CAMK2G: variants seen among roughly 807,000 people sequenced by gnomAD.
CAMK2G encodes calcium/calmodulin-dependent protein kinase type II subunit gamma.
Under a neutral mutation model 88.7 loss-of-function variants are expected in CAMK2G, and 23 were observed. The ratio of observed to expected loss-of-function variants is 0.26; its 90% CI spans 0.19 to 0.37. The LOEUF is 0.37. CAMK2G is among the 10% of genes least tolerant of loss of function. The pLI, the probability that CAMK2G is intolerant of heterozygous loss-of-function variation, is 1.00. For missense variants in CAMK2G, 476 were observed against 780.8 expected, an observed-to-expected ratio of 0.61 and a Z score of 4.65; for synonymous variants, 263 against 294.8, an observed-to-expected ratio of 0.89 and a Z score of 1.11.
At chr10:73,854,830 C>A (rs572082061) in intron 3 of CAMK2G, among the ~76,000 whole-genome samples, 2 of 152,174 alleles carry the variant, frequency 1.3e-5, no homozygotes, top group South Asian at 4.1e-4. Context: ...GACTCCGAAG[C>A]CTGCCAGGGC....
At chr10:73,825,155 T>G (rs1317855319) in intron 16 of CAMK2G, 124 bp downstream of exon 16, 1 of 751,290 alleles carries the variant, frequency 1.3e-6, no homozygotes, top group Non-Finnish European at 2.4e-6. Flanking sequence ...CACAAAGCAG[T>G]CAGTTCTATG....
At chr10:73,843,958 G>A (rs1442406718) in intron 10 of CAMK2G, among the ~76,000 whole-genome samples, 1 of 152,146 alleles carries the variant, frequency 6.6e-6, no homozygotes, top group Non-Finnish European at 1.5e-5. Flanking sequence ...TGGACCCCCT[G>A]CCCTTGGCTC....
At chr10:73,852,157 A>T in intron 5 of CAMK2G, 97 bp downstream of exon 5, 1 of 878,424 alleles carries the variant, frequency 1.1e-6, no homozygotes. Flanking sequence ...CCCAAAGACT[A>T]TTCAAACAGG....
In CAMK2G at chr10:73,863,167, GAT is replaced by G. The variant is rs2095453111; in HGVS notation, c.161-2280_161-2279del. Among the ~76,000 whole-genome samples the G allele has an allele frequency of 3.3e-5, 5 of 152,354 alleles. No homozygotes were observed. In the South Asian group the frequency reaches 1.0e-3, roughly 32 times the overall value. On this transcript the variant is annotated intron_variant, in intron 2 of 22. Transcript: ENST00000423381. ...GTGGAAGGAGGTGGGGACAGACAGA[GAT>G]TAGTTCCTGCTGCCCAGCTAATCCG...
chr10:73,822,305 T>C (rs886949176), intron 17 of CAMK2G, among the ~76,000 whole-genome samples: 1 of 152,172 alleles, frequency 6.6e-6, no homozygotes, highest in African/African-American at 2.4e-5. Context: ...GTAGCTGGGA[T>C]TACAGGTGCC....
intron 14 of CAMK2G, among the ~76,000 whole-genome samples, chr10:73,833,722 C>T (rs1429622773): frequency 1.3e-5 from 2 of 151,590 alleles, no homozygotes; most frequent in East Asian, 3.9e-4. Flanking sequence ...TCTCAGCCTC[C>T]CGAGTAGCTG....
intron 3 of CAMK2G, 123 bp downstream of exon 3, chr10:73,860,707 T>C (rs2095334504): frequency 2.6e-6 from 2 of 757,496 alleles, no homozygotes; most frequent in Non-Finnish European, 4.7e-6. Context: ...ATCCTGCTCA[T>C]GTAAAAACAG....
intron 15 of CAMK2G, among the ~76,000 whole-genome samples, chr10:73,826,278 C>T (rs1476351620): frequency 2.6e-5 from 4 of 152,178 alleles, no homozygotes; most frequent in Admixed American, 2.6e-4. Flanking sequence ...ACTAAAAATA[C>T]AAAAATTAGC....
chr10:73,818,655 G>C (rs907205781), intron 19 of CAMK2G: 1 of 454,094 alleles, frequency 2.2e-6, no homozygotes. Flanking sequence ...CGTCAGCCCC[G>C]CTAGGCCACA....
At chr10:73,872,464 G>C (rs1480342735) in intron 2 of CAMK2G, among the ~76,000 whole-genome samples, 2 of 152,262 alleles carry the variant, frequency 1.3e-5, no homozygotes, top group African/African-American at 2.4e-5. Flanking sequence ...ATTTGTTCCT[G>C]AGAAGCCCTC....
rs1316178163 is a variant in CAMK2G, at chr10:73,870,690, C to T, written c.160+2299G>A. ...TTCACAGATGACCCTGGTGGGCCCA[C>T]GACATTCCCAGACACAGAAATCCAA... On this transcript the variant is annotated intron_variant, in intron 2 of 22. Coordinates refer to ENST00000423381, the MANE Select transcript of CAMK2G (RefSeq NM_001367534.1). Among the ~76,000 whole-genome samples the T allele has an allele frequency of 5.3e-5, 8 of 152,336 alleles. No individual in the cohort carries two copies. In the South Asian group the frequency reaches 1.4e-3, roughly 28 times the overall value.
In CAMK2G at chr10:73,825,319, A is replaced by C; in HGVS notation, c.1115T>G (p.Val372Gly). The C allele has an allele frequency of 6.2e-7, 1 of 1,614,078 alleles. No individual in the cohort carries two copies. Among genetic ancestry groups the C allele is most frequent in the Non-Finnish European group, 8.5e-7 (1 of 1,179,918 alleles). The change falls in exon 16 of 23, where the codon GTA becomes GGA. Residue 372 changes from valine to glycine, a missense_variant. Physicochemically the swap from Val to Gly is moderately radical, Grantham distance 109. Transcript: ENST00000423381. ...GGGCGCGGGCTCTTGGGCTGGGCTT[A>C]CGAGACTGTTTTTGTTGTTGCTCTG... Reference protein sequence around the residue: ...MPQSNNKNSLVSPAQEPAPLQ... With the variant: ...MPQSNNKNSLGSPAQEPAPLQ...
intron 2 of CAMK2G, among the ~76,000 whole-genome samples, chr10:73,867,595 C>T (rs1341984751): frequency 6.6e-6 from 1 of 152,168 alleles, no homozygotes; most frequent in Non-Finnish European, 1.5e-5. Context: ...GCTGCGGCTG[C>T]TGCTGATAGG....
chr10:73,836,413 A>G (rs896525151), intron 14 of CAMK2G, among the ~76,000 whole-genome samples: 1 of 152,106 alleles, frequency 6.6e-6, no homozygotes, highest in African/African-American at 2.4e-5. Context: ...CACTCTCTCC[A>G]ACTAAACCTG....
chr10:73,835,301 T>C (rs2093059297), intron 14 of CAMK2G, among the ~76,000 whole-genome samples: 1 of 142,800 alleles, frequency 7.0e-6, no homozygotes. Context: ...GCAGGTATCT[T>C]TTTTTTTTTT....
Position 73,860,814 on chromosome 10 carries a change from A to G in CAMK2G, c.220+16T>C, listed in dbSNP as rs1166136472. 3 of 1,600,612 alleles carry G rather than the reference A, an allele frequency of 1.9e-6. No homozygotes were observed. In the Admixed American group the frequency reaches 5.0e-5, roughly 27 times the overall value. On this transcript the variant is annotated intron_variant, in intron 3 of 22. Coordinates refer to ENST00000423381, the MANE Select transcript of CAMK2G (RefSeq NM_001367534.1). ...CTACAAAATACCCACAAAATGCTCC[A>G]TGCCCAGGCACTCACCGATGTTTGG... is the stretch of plus-strand genomic sequence containing the variant.
intron 16 of CAMK2G, among the ~76,000 whole-genome samples, chr10:73,825,078 C>A (rs1195776000): frequency 6.6e-6 from 1 of 152,212 alleles, no homozygotes; most frequent in Non-Finnish European, 1.5e-5. Flanking sequence ...AGGAGCAGCA[C>A]TTCTGCCATG....
At chr10:73,874,147 C>T (rs1483735819) in intron 1 of CAMK2G, among the ~76,000 whole-genome samples, 3 of 144,838 alleles carry the variant, frequency 2.1e-5, no homozygotes, top group Non-Finnish European at 4.5e-5. Context: ...CACCCGGGAG[C>T]GGTCCGGGGT....
Position 73,824,029 on chromosome 10 carries a change from G to A in CAMK2G, c.1200+11C>T, listed in dbSNP as rs201761206. The A allele has an allele frequency of 7.1e-4, 1,150 of 1,611,054 alleles. No homozygotes were observed. Among genetic ancestry groups the A allele is most frequent in the Non-Finnish European group, 9.0e-4 (1,064 of 1,177,732 alleles). On this transcript the variant is annotated intron_variant, in intron 17 of 22. Coordinates refer to ENST00000423381, the MANE Select transcript of CAMK2G (RefSeq NM_001367534.1). ...CCTGGAAAGCAGGAGGCAGGCTCAGGAGCCACTCACCTTGATCCCATCTGT... is the reference window on the plus strand; with the variant it reads ...CCTGGAAAGCAGGAGGCAGGCTCAGAAGCCACTCACCTTGATCCCATCTGT...
Sources: gnomAD v4.1 joint callset for allele counts (sites outside exome capture counted in the v4.1 genomes callset) on GRCh38, gnomAD v4.1.1 for gene constraint, MANE v1.5 for transcripts, NCBI Gene and HGNC (gene_info 2026-07-23, HGNC 2026-07-21) for gene names.